The following GSE1 variants were observed in gnomAD, a reference collection of about 807,000 sequenced individuals.
The protein encoded by GSE1 is genetic suppressor element 1.
Under a neutral mutation model 112.6 loss-of-function variants are expected in GSE1, and 32 were observed. The ratio of observed to expected loss-of-function variants is 0.28; its 90% confidence interval spans 0.21 to 0.38. The LOEUF (loss-of-function observed/expected upper bound fraction) is 0.38, where lower values mean the gene tolerates loss of function less well. GSE1 is among the 10% of genes least tolerant of loss of function. The probability of loss-of-function intolerance (pLI) is 1.00; values close to 1 mark genes in which losing one functional copy is unlikely to be tolerated. For missense variants in GSE1, 2,348 were observed against 1,699.2 expected, an observed-to-expected ratio of 1.38 and a Z score of -6.71; for synonymous variants, 1,115 against 735.6, an observed-to-expected ratio of 1.52 and a Z score of -8.35.
chr16:85,251,700 G>A (rs977366741), intron 1 of GSE1, among the ~76,000 whole-genome samples: 4 of 152,236 alleles, frequency 2.6e-5, no homozygotes, highest in Non-Finnish European at 5.9e-5. Context: ...CCTCTGCTGC[G>A]GGGTACAGGA....
At chr16:85,655,350 T>G (rs1445125064) in intron 5 of GSE1, among the ~76,000 whole-genome samples, 6 of 152,152 alleles carry the variant, frequency 3.9e-5, no homozygotes, top group African/African-American at 7.2e-5. Flanking sequence ...CTGGCCTGGG[T>G]CCGTGGAGAA....
chr16:85,635,815 G>A (rs1207238533), intron 2 of GSE1, among the ~76,000 whole-genome samples: 2 of 152,200 alleles, frequency 1.3e-5, no homozygotes, highest in African/African-American at 2.4e-5. Context: ...CCTGGGTAAC[G>A]CTGCAGAGGA....
intron 1 of GSE1, chr16:85,284,885 G>C (rs1334396531): frequency 6.6e-6 from 1 of 152,188 alleles, no homozygotes; most frequent in African/African-American, 2.4e-5. Flanking sequence ...TTTGGTATTA[G>C]AGTAGGTCTG....
chr16:85,563,235 C>T lies in GSE1; in HGVS notation c.37+6872C>T, dbSNP rs757985601. Among the ~76,000 whole-genome samples the T allele has an allele frequency of 2.0e-5, 3 of 147,666 alleles. No individual in the cohort carries two copies. In the South Asian group the frequency reaches 6.5e-4, roughly 32 times the overall value. On this transcript the variant is annotated intron_variant, in intron 1 of 2. Coordinates refer to the GSE1 transcript ENST00000635906. ...AAGAGCGCCATATAGATTTAAAGTC[C>T]TTTTGTTAATTTAGGAACATAAAAC...
At chr16:85,521,286 G>C (rs1171200807) in intron 2 of GSE1, among the ~76,000 whole-genome samples, 1 of 152,220 alleles carries the variant, frequency 6.6e-6, no homozygotes, top group African/African-American at 2.4e-5. Flanking sequence ...GAGTGACCCT[G>C]TGCCTGTACT....
At chr16:85,296,298 G>A (rs754640408) in intron 1 of GSE1, among the ~76,000 whole-genome samples, 5 of 152,086 alleles carry the variant, frequency 3.3e-5, no homozygotes, top group Non-Finnish European at 7.4e-5. Flanking sequence ...GCGGGGTCAG[G>A]TAGTTTCATT....
At chr16:85,372,681 G>A (rs1163684927) in intron 2 of GSE1, among the ~76,000 whole-genome samples, 1 of 152,084 alleles carries the variant, frequency 6.6e-6, no homozygotes, top group Non-Finnish European at 1.5e-5. Context: ...TATTCCTTCT[G>A]GGTCTTAGAT....
chr16:85,338,856 G>T (rs2046561108), intron 1 of GSE1, among the ~76,000 whole-genome samples: 1 of 152,212 alleles, frequency 6.6e-6, no homozygotes, highest in Admixed American at 6.5e-5. Flanking sequence ...TGATGGACAG[G>T]TGCTGCTGCC....
chr16:85,373,823 C>T lies in GSE1; in HGVS notation c.2464+16180C>T, dbSNP rs1189481980. ...CAGGGCAGGGTGATTGTGCTCCTGC[C>T]CCACGGTGCCCCACGGTTACCACCG... On this transcript the variant is annotated intron_variant, in intron 2 of 2. Coordinates refer to the GSE1 transcript ENST00000637419. This position sits in a 1 kb window ranked among gnomAD's most constrained non-coding sequence, Gnocchi z 5.1. Among the ~76,000 whole-genome samples, 1 of 152,158 alleles carries T rather than the reference C, an allele frequency of 6.6e-6. No homozygotes were observed. The highest frequency in any genetic ancestry group is 1.5e-5 in the Non-Finnish European group (1 of 68,020).
At chr16:85,555,509 T>A, upstream of GSE1, 2 of 984,660 alleles carry the variant, frequency 2.0e-6, no homozygotes, top group African/African-American at 3.5e-5. Context: ...AGAAGAAATC[T>A]CCCCCTCGGT....
intron 1 of GSE1, among the ~76,000 whole-genome samples, chr16:85,614,243 GC>G (rs2048216912): frequency 6.6e-6 from 1 of 152,176 alleles, no homozygotes; most frequent in South Asian, 2.1e-4. Context: ...GGGCCCTGCG[GC>G]CGCGCTGATG....
At chr16:85,651,367 GTCTGGC>G (rs2051338889) in intron 3 of GSE1, among the ~76,000 whole-genome samples, 1 of 151,966 alleles carries the variant, frequency 6.6e-6, no homozygotes, top group Non-Finnish European at 1.5e-5. Flanking sequence ...AGACATGTGG[GTCTGGC>G]TCGCCGGGCC....
At chr16:85,574,089 G>A (rs1375543471) in intron 1 of GSE1, among the ~76,000 whole-genome samples, 1 of 152,198 alleles carries the variant, frequency 6.6e-6, no homozygotes, top group African/African-American at 2.4e-5. Context: ...CTCCCGTCTG[G>A]TCCTGACAAG....
chr16:85,427,051 G>A (rs917454988), intron 2 of GSE1, among the ~76,000 whole-genome samples: 7 of 152,096 alleles, frequency 4.6e-5, no homozygotes, highest in African/African-American at 1.7e-4. Flanking sequence ...CCCCACCTAT[G>A]AGCCCAGACC....
At chr16:85,557,760 C>T (rs1398621091) in intron 1 of GSE1, among the ~76,000 whole-genome samples, 1 of 149,284 alleles carries the variant, frequency 6.7e-6, no homozygotes, top group Non-Finnish European at 1.5e-5. Context: ...CAGAGGGTCA[C>T]CAGAGTCCAA....
chr16:85,229,545 A>G (rs2075546540), intron 1 of GSE1, among the ~76,000 whole-genome samples: 1 of 152,214 alleles, frequency 6.6e-6, no homozygotes, highest in Non-Finnish European at 1.5e-5. Context: ...AAACGATTTC[A>G]TACTCACATG....
At position 85,311,476 on chromosome 16, in the gene GSE1, C is replaced by CGGCTG. The variant is rs1207221865; in HGVS notation, c.2284-45986_2284-45982dup. The stretch of plus-strand genomic sequence containing the variant: ...GGGGACAGGACGTGGGCGGAGCCCT[C>CGGCTG]GGCTGCCTCCCACCGTGGGACATTG... On this transcript the variant is annotated intron_variant, in intron 1 of 2. Transcript: ENST00000637419. This position sits in a 1 kb window ranked among gnomAD's most constrained non-coding sequence, Gnocchi z 4.2. Among the ~76,000 whole-genome samples the CGGCTG allele has an allele frequency of 1.4e-5, 2 of 140,756 alleles. No individual in the cohort carries two copies. The highest frequency in any genetic ancestry group is 7.0e-5 in the Admixed American group (1 of 14,384). The allele number at this position is 140,756 out of a possible 152,430, so 92.3% of individuals were successfully genotyped here.
chr16:85,384,951 A>T (rs937611640), intron 2 of GSE1, among the ~76,000 whole-genome samples: 1 of 152,254 alleles, frequency 6.6e-6, no homozygotes, highest in Non-Finnish European at 1.5e-5. Context: ...CCGCAGACCC[A>T]GCAGGTTAGC....
At chr16:85,255,956 G>A (rs1907031219) in intron 1 of GSE1, among the ~76,000 whole-genome samples, 1 of 152,086 alleles carries the variant, frequency 6.6e-6, no homozygotes, top group African/African-American at 2.4e-5. Context: ...CCAAAGTGCT[G>A]GGAATACAGG....
Sources: allele counts gnomAD v4.1 joint callset (sites outside exome capture counted in the v4.1 genomes callset), GRCh38; gene constraint gnomAD v4.1.1; non-coding constraint Gnocchi (gnomAD v3.1); transcripts MANE v1.5; gene names NCBI Gene and HGNC (gene_info 2026-07-23, HGNC 2026-07-21).